The following GABPB1 variants were observed in gnomAD, a reference collection of about 807,000 sequenced individuals.
The protein encoded by GABPB1 is GA-binding protein subunit beta-1.
A neutral mutation model predicts 45.9 loss-of-function variants in GABPB1; 15 were observed. The observed-to-expected ratio is 0.33, with a 90% CI of 0.22 to 0.50. The LOEUF is 0.50. GABPB1 is among the 20% of genes least tolerant of loss of function. The pLI is 0.98. For missense variants in GABPB1, 252 were observed against 457.5 expected, an observed-to-expected ratio of 0.55 and a Z score of 4.10; for synonymous variants, 143 against 154.4, an observed-to-expected ratio of 0.93 and a Z score of 0.55.
chr15:50,284,500 C>T (rs1057493960), intron 8 of GABPB1, among the ~76,000 whole-genome samples: 1 of 152,194 alleles, frequency 6.6e-6, no homozygotes, highest in African/African-American at 2.4e-5. Context: ...ACTTTATATA[C>T]CTCTCAATTC....
In GABPB1 at chr15:50,304,110, T is replaced by C. The variant is rs759480498; in HGVS notation, c.132A>G (p.Leu44=). 2 of 1,598,566 alleles carry C rather than the reference T, an allele frequency of 1.3e-6. No individual in the cohort carries two copies. Among genetic ancestry groups the C allele is most frequent in the African/African-American group, 1.4e-5 (1 of 74,002 alleles). ...TGGAATAATGACCATACTGTGCTGCTAGATGAAGTGGAGAAGTTCCCAGCT... is the reference window on the plus strand; with the variant it reads ...TGGAATAATGACCATACTGTGCTGCCAGATGAAGTGGAGAAGTTCCCAGCT... The part of the protein sequence containing the change: ...TDWLGTSPLH[L]AAQYGHYSTT... The change falls in exon 3 of 9, where the codon CTA becomes CTG. Residue 44 remains leucine, a synonymous_variant. Coordinates refer to ENST00000380877, the MANE Select transcript of GABPB1 (RefSeq NM_016654.5).
At chr15:50,347,034 C>T (rs1395144999) in intron 1 of GABPB1, among the ~76,000 whole-genome samples, 2 of 151,994 alleles carry the variant, frequency 1.3e-5, no homozygotes, top group Non-Finnish European at 2.9e-5. Context: ...CTGATCCACC[C>T]ACCTCAGCCT....
intron 6 of GABPB1, among the ~76,000 whole-genome samples, chr15:50,290,739 C>T: frequency 6.6e-6 from 1 of 152,140 alleles, no homozygotes; most frequent in Non-Finnish European, 1.5e-5. Flanking sequence ...AAGTGGCATA[C>T]AGATGTGGTA....
intron 1 of GABPB1, among the ~76,000 whole-genome samples, chr15:50,330,449 C>G (rs151198684): frequency 3.0e-4 from 45 of 152,310 alleles, no homozygotes; most frequent in African/African-American, 1.1e-3. Context: ...CCTCTATCAA[C>G]TGCCTCACAC....
chr15:50,328,384 A>T (rs1000303671), intron 1 of GABPB1, among the ~76,000 whole-genome samples: 1 of 152,154 alleles, frequency 6.6e-6, no homozygotes, highest in African/African-American at 2.4e-5. Flanking sequence ...TGTTGAAAAG[A>T]ATGGTCGGTT....
intron 1 of GABPB1, among the ~76,000 whole-genome samples, chr15:50,337,310 C>T (rs976513657): frequency 6.6e-6 from 1 of 151,172 alleles, no homozygotes; most frequent in African/African-American, 2.4e-5. Flanking sequence ...ATAAACAAGA[C>T]CACCTCCAAC....
At chr15:50,318,265 A>G (rs1270562314) in intron 1 of GABPB1, among the ~76,000 whole-genome samples, 2 of 152,200 alleles carry the variant, frequency 1.3e-5, no homozygotes, top group African/African-American at 4.8e-5. Context: ...GTTGAAGAAC[A>G]CTAGGAATCT....
chr15:50,345,775 G>C (rs371736770), intron 1 of GABPB1, among the ~76,000 whole-genome samples: 1 of 151,456 alleles, frequency 6.6e-6, no homozygotes, highest in Non-Finnish European at 1.5e-5. Flanking sequence ...GCAGTGGTGC[G>C]ATCTCGGCTC....
At chr15:50,282,574 A>AAAAAAAAAAAAAAAAAAAAAAG in intron 8 of GABPB1, among the ~76,000 whole-genome samples, 1 of 150,980 alleles carries the variant, frequency 6.6e-6, no homozygotes, top group African/African-American at 2.4e-5. Flanking sequence ...AAAAAAAAAA[A>AAAAAAAAAAAAAAAAAAAAAAG]ACAGAGACGG....
intron 1 of GABPB1, among the ~76,000 whole-genome samples, chr15:50,339,136 T>C (rs959443105): frequency 6.6e-6 from 1 of 152,110 alleles, no homozygotes; most frequent in African/African-American, 2.4e-5. Flanking sequence ...CTGGTCAACA[T>C]GGTGAAACCC....
chr15:50,304,482 G>A (rs1157665144), intron 2 of GABPB1, among the ~76,000 whole-genome samples: 5 of 152,126 alleles, frequency 3.3e-5, no homozygotes, highest in Non-Finnish European at 5.9e-5. Context: ...AAGCCAAGGC[G>A]GGTGGATCAC....
intron 1 of GABPB1, among the ~76,000 whole-genome samples, chr15:50,313,448 C>T (rs2047200658): frequency 6.6e-6 from 1 of 151,978 alleles, no homozygotes; most frequent in South Asian, 2.1e-4. Context: ...TAACAAGTTA[C>T]AAAAATATCC....
intron 1 of GABPB1, among the ~76,000 whole-genome samples, chr15:50,334,732 A>G (rs1595825828): frequency 6.8e-6 from 1 of 147,610 alleles, no homozygotes. Flanking sequence ...CTGGCCTCAA[A>G]CTCCTGAGTC....
At chr15:50,278,829 CATT>C in intron 8 of GABPB1, 45 bp from the exon 9 acceptor site, 1 of 1,472,302 alleles carries the variant, frequency 6.8e-7, no homozygotes, top group Non-Finnish European at 9.2e-7. Context: ...TGCAAAAATA[CATT>C]ATTAATACAT....
intron 2 of GABPB1, among the ~76,000 whole-genome samples, 164 bp downstream of exon 2, chr15:50,309,527 A>T (rs1056460361): frequency 1.3e-5 from 2 of 152,260 alleles, no homozygotes; most frequent in African/African-American, 4.8e-5. Flanking sequence ...AGAAAATAAT[A>T]TAAACCACTT....
chr15:50,286,418 T>C (rs750765040), intron 7 of GABPB1, among the ~76,000 whole-genome samples: 15 of 152,040 alleles, frequency 9.9e-5, no homozygotes, highest in Non-Finnish European at 1.6e-4. Context: ...TTTAATTATA[T>C]AGATAATATA....
At chr15:50,337,322 G>A (rs537062521) in intron 1 of GABPB1, among the ~76,000 whole-genome samples, 21 of 151,498 alleles carry the variant, frequency 1.4e-4, no homozygotes, top group African/African-American at 4.6e-4. Flanking sequence ...ACCTCCAACT[G>A]TTATGAGATT....
chr15:50,279,452 A>G (rs896891894), intron 8 of GABPB1, among the ~76,000 whole-genome samples: 2 of 148,524 alleles, frequency 1.3e-5, no homozygotes, highest in African/African-American at 4.9e-5. Context: ...TATTTCATAA[A>G]CCAATAAAAT....
intron 1 of GABPB1, among the ~76,000 whole-genome samples, chr15:50,325,810 C>T (rs1328407083): frequency 6.6e-6 from 1 of 151,886 alleles, no homozygotes; most frequent in Non-Finnish European, 1.5e-5. Context: ...GGATTACAGG[C>T]GTGAGCCACT....
Sources: allele counts gnomAD v4.1 joint callset (sites outside exome capture counted in the v4.1 genomes callset), GRCh38; gene constraint gnomAD v4.1.1; transcripts MANE v1.5; gene names NCBI Gene and HGNC (gene_info 2026-07-23, HGNC 2026-07-21).